ANKRD26: variants seen among roughly 807,000 people sequenced by gnomAD.
The protein encoded by ANKRD26 is ankyrin repeat domain 26.
A neutral mutation model predicts 208.7 loss-of-function variants in ANKRD26; 141 were observed. That is an observed-to-expected ratio of 0.68 (90% CI 0.59 to 0.78). The LOEUF is 0.78. Among genes scored for constraint, ANKRD26 ranks in the 30% least tolerant of loss-of-function variants. The pLI is 0.00. For missense variants in ANKRD26, 1,889 were observed against 1,938.7 expected, an observed-to-expected ratio of 0.97 and a Z score of 0.48; for synonymous variants, 636 against 660.4, an observed-to-expected ratio of 0.96 and a Z score of 0.57.
In ANKRD26 at chr10:27,053,304, T is replaced by A. The variant is rs769322625; in HGVS notation, c.1635+16A>T. ...AAAACAATATTAAACCAGAAATTTT[T>A]AAAAATATATAATACCTGTGGCTGG... On this transcript the variant is annotated intron_variant, in intron 16 of 33. Transcript: ENST00000376087. 1.9e-5 allele frequency: 30 copies of A among 1,578,290 alleles called. No homozygotes were observed. In the Admixed American group the frequency reaches 2.3e-4, roughly 12 times the overall value.
intron 25 of ANKRD26, among the ~76,000 whole-genome samples, chr10:27,031,329 C>T (rs1305013338): frequency 6.6e-6 from 1 of 152,016 alleles, no homozygotes; most frequent in Admixed American, 6.6e-5. Flanking sequence ...ACTGGTATAG[C>T]CATACAATAG....
chr10:27,011,603 C>T (rs931680056), intron 32 of ANKRD26, among the ~76,000 whole-genome samples: 3 of 151,986 alleles, frequency 2.0e-5, no homozygotes, highest in Non-Finnish European at 2.9e-5. Context: ...TGAGTGAAAT[C>T]GTAAGGCTGG....
At chr10:27,033,641 T>C (rs2053953675) in intron 24 of ANKRD26, among the ~76,000 whole-genome samples, 1 of 152,186 alleles carries the variant, frequency 6.6e-6, no homozygotes, top group Non-Finnish European at 1.5e-5. Flanking sequence ...CATCCCCCCA[T>C]GAATTTACAC....
At chr10:26,961,463 C>T in the ANKRD26 span, among the ~76,000 whole-genome samples, 1 of 152,114 alleles carries the variant, frequency 6.6e-6, no homozygotes, top group Admixed American at 6.5e-5. Context: ...ACTCGCTGGG[C>T]TTGAATCCCA....
chr10:26,983,335 T>G (rs568304687), intron 3 of ANKRD26, among the ~76,000 whole-genome samples: 12 of 152,340 alleles, frequency 7.9e-5, no homozygotes, highest in African/African-American at 2.9e-4. Flanking sequence ...TTACTCATCC[T>G]TGTGCCCAAG....
downstream of ANKRD26, among the ~76,000 whole-genome samples, chr10:26,968,812 A>G (rs897656469): frequency 1.3e-5 from 2 of 152,190 alleles, no homozygotes; most frequent in African/African-American, 4.8e-5. Context: ...TTATTATAAA[A>G]CAACTATTGC....
At chr10:27,082,288 C>T (rs191929503) in intron 6 of ANKRD26, among the ~76,000 whole-genome samples, 108 of 152,280 alleles carry the variant, frequency 7.1e-4, no homozygotes, top group African/African-American at 2.6e-3. Context: ...CTTGTGTGGT[C>T]TGCTTATGTA....
chr10:27,056,373 T>G (rs1464985407), intron 15 of ANKRD26, among the ~76,000 whole-genome samples: 1 of 152,016 alleles, frequency 6.6e-6, no homozygotes, highest in East Asian at 2.0e-4. Context: ...AGATGGGGTT[T>G]CACCATGTGG....
At chr10:27,096,867 T>C (rs2056483937) in intron 1 of ANKRD26, among the ~76,000 whole-genome samples, 1 of 151,902 alleles carries the variant, frequency 6.6e-6, no homozygotes. Flanking sequence ...TACCACATTT[T>C]ATTAAAATAC....
the ANKRD26 span, among the ~76,000 whole-genome samples, chr10:26,947,964 G>C: frequency 6.6e-6 from 1 of 152,182 alleles, no homozygotes; most frequent in Non-Finnish European, 1.5e-5. Context: ...TTCGATATGA[G>C]ACAATCTAGC....
the ANKRD26 span, among the ~76,000 whole-genome samples, chr10:26,963,989 G>A: frequency 3.2e-5 from 4 of 126,540 alleles, no homozygotes; most frequent in Non-Finnish European, 6.2e-5. Flanking sequence ...TCGGCTTACT[G>A]CAACCTCTGT....
downstream of ANKRD26, among the ~76,000 whole-genome samples, chr10:26,991,523 A>T (rs2052485758): frequency 1.3e-5 from 2 of 151,998 alleles, no homozygotes; most frequent in African/African-American, 4.8e-5. Flanking sequence ...TGCAACTGCA[A>T]CCTCTGCCTC....
intron 9 of ANKRD26, among the ~76,000 whole-genome samples, chr10:27,071,183 T>TTTTTTA (rs2055477179): frequency 6.9e-6 from 1 of 143,986 alleles, no homozygotes. Flanking sequence ...TTTTTTTTTT[T>TTTTTTA]GAGACAGAGT....
At chr10:26,980,439 C>T (rs1377952385) in intron 5 of ANKRD26, among the ~76,000 whole-genome samples, 2 of 152,200 alleles carry the variant, frequency 1.3e-5, no homozygotes, top group African/African-American at 2.4e-5. Flanking sequence ...CTGAATGACA[C>T]GGGCCATATG....
chr10:27,005,425 TA>T lies in ANKRD26; in HGVS notation c.*164del. Reference sequence around the variant, plus strand: ...CTGGTTTTCATTGGCAAAATCCACTTAAAAGTTAAAGAAGCCAAGTAACATT... The same window carrying T: ...CTGGTTTTCATTGGCAAAATCCACTTAAAGTTAAAGAAGCCAAGTAACATT... On this transcript the variant is annotated 3_prime_UTR_variant, in exon 34 of 34. Transcript: ENST00000376087. The T allele has an allele frequency of 7.4e-7, 1 of 1,355,376 alleles. No individual in the cohort carries two copies. The highest frequency in any genetic ancestry group is 9.5e-7 in the Non-Finnish European group (1 of 1,056,068). 84.0% of individuals were successfully genotyped at this position (1,355,376 alleles called of 1,614,324 possible). A position where few individuals can be genotyped will look rare whatever the true frequency, so the allele number is the denominator to read the frequency against.
the ANKRD26 span, among the ~76,000 whole-genome samples, chr10:26,959,699 C>T: frequency 2.0e-5 from 3 of 149,416 alleles, no homozygotes; most frequent in Admixed American, 6.7e-5. Flanking sequence ...AGGCTAGTCT[C>T]GAACTCCTGA....
At chr10:27,097,108 G>A (rs1415919736) in intron 1 of ANKRD26, among the ~76,000 whole-genome samples, 3 of 151,196 alleles carry the variant, frequency 2.0e-5, no homozygotes, top group Non-Finnish European at 4.4e-5. Context: ...CTTGAACCCA[G>A]GAGATGGATG....
At chr10:26,951,013 CTTTT>C in the ANKRD26 span, among the ~76,000 whole-genome samples, 4 of 100,928 alleles carry the variant, frequency 4.0e-5, no homozygotes, top group East Asian at 1.4e-3. Flanking sequence ...CTTTTCTTTT[CTTTT>C]TCTTTTTTTT....
chr10:27,071,595 T>C (rs973903125), intron 9 of ANKRD26, among the ~76,000 whole-genome samples: 16 of 151,886 alleles, frequency 1.1e-4, no homozygotes, highest in Non-Finnish European at 1.8e-4. Flanking sequence ...GGCAAAATAG[T>C]GTGTAGGGAT....
Sources: allele counts gnomAD v4.1 joint callset (sites outside exome capture counted in the v4.1 genomes callset), GRCh38; gene constraint gnomAD v4.1.1; transcripts MANE v1.5; gene names NCBI Gene and HGNC (gene_info 2026-07-23, HGNC 2026-07-21).